NEK2: variants seen among roughly 807,000 people sequenced by gnomAD.
NEK2 encodes the protein serine/threonine-protein kinase Nek2.
Under a neutral mutation model 54.1 loss-of-function variants are expected in NEK2, and 28 were observed. That is an observed-to-expected ratio of 0.52 (90% confidence interval 0.38 to 0.71). The LOEUF (loss-of-function observed/expected upper bound fraction) is 0.71. Among genes scored for constraint, NEK2 ranks in the 30% least tolerant of loss-of-function variants. NEK2 has a pLI of 0.00. For synonymous variants in NEK2, 176 were observed against 193.1 expected, an observed-to-expected ratio of 0.91 and a Z score of 0.73; for missense variants, 407 against 531.5, an observed-to-expected ratio of 0.77 and a Z score of 2.30.
chr1:211,669,679 T>C (rs1270116815), intron 5 of NEK2, among the ~76,000 whole-genome samples: 2 of 152,238 alleles, frequency 1.3e-5, no homozygotes, highest in African/African-American at 4.8e-5. Context: ...CTAAACTACA[T>C]TTAGCAAGAT....
Position 211,669,211 on chromosome 1 carries a change from G to T in NEK2, c.887C>A (p.Ser296Ter). The T allele has an allele frequency of 6.2e-7, 1 of 1,613,948 alleles. No homozygotes were observed. The highest frequency in any genetic ancestry group is 8.5e-7 in the Non-Finnish European group (1 of 1,179,908). Residue 296 changes from serine to a stop codon, truncating the protein, a stop_gained, in exon 6 of 8, where the codon TCG becomes TAG. Transcript: ENST00000366999. LOFTEE classifies it high-confidence loss of function. ...ACTCAATACAGGGCTGGAATCCTGCGATTTTTCTGGCTCTCCTAATTGTCG... is the reference window on the plus strand; with the variant it reads ...ACTCAATACAGGGCTGGAATCCTGCTATTTTTCTGGCTCTCCTAATTGTCG... ...RGRQLGEPEK[S>*]QDSSPVLSEL...
intron 6 of NEK2, 49 bp from the exon 7 acceptor site, chr1:211,667,280 A>G (rs200189429): frequency 1.0e-4 from 156 of 1,543,222 alleles, no homozygotes; most frequent in Admixed American, 1.7e-4. Context: ...ACTGACCTTG[A>G]CTAAAAAACA....
chr1:211,664,047 T>G (rs1378674910), intron 7 of NEK2, among the ~76,000 whole-genome samples: 1 of 146,066 alleles, frequency 6.8e-6, no homozygotes, highest in Non-Finnish European at 1.5e-5. Context: ...GAAGCAGAGG[T>G]TTTTTTCTGT....
At position 211,670,186 on chromosome 1, in the gene NEK2, T is replaced by G. The variant is rs554752054; in HGVS notation, c.765+95A>C. On this transcript the variant is annotated intron_variant, in intron 5 of 7. Coordinates refer to ENST00000366999, the MANE Select transcript of NEK2 (RefSeq NM_002497.4). ...TTTAGCTAAGAAAGTATATTTAACGTTTCTTCAGTCTCCATTGATCTACAA... is the reference window on the plus strand; with the variant it reads ...TTTAGCTAAGAAAGTATATTTAACGGTTCTTCAGTCTCCATTGATCTACAA... 4.8e-6 allele frequency: 6 copies of G among 1,247,926 alleles called. No homozygotes were observed. In the African/African-American group the frequency reaches 9.2e-5, roughly 19 times the overall value. The allele number at this position is 1,247,926 out of a possible 1,614,324, so 77.3% of individuals were successfully genotyped here. A position where few individuals can be genotyped will look rare whatever the true frequency, so the allele number is the denominator to read the frequency against.
chr1:211,661,403 G>A (rs2102437166), downstream of NEK2: 1 of 303,626 alleles, frequency 3.3e-6, no homozygotes, highest in Admixed American at 4.4e-5. Context: ...AACTTTATTG[G>A]TAACACTTTG....
chr1:211,660,404 T>A (rs1273929270), downstream of NEK2: 1 of 687,300 alleles, frequency 1.5e-6, no homozygotes, highest in African/African-American at 1.8e-5. Flanking sequence ...TCCTTCAGGA[T>A]CTGGTACTGT....
downstream of NEK2, among the ~76,000 whole-genome samples, chr1:211,659,675 G>A (rs1654967414): frequency 6.6e-6 from 1 of 152,122 alleles, no homozygotes; most frequent in Admixed American, 6.5e-5. Flanking sequence ...TAACTTTGCT[G>A]ACGTCTTCAG....
chr1:211,670,087 C>A (rs374552779), intron 5 of NEK2, among the ~76,000 whole-genome samples, 194 bp downstream of exon 5: 10 of 152,168 alleles, frequency 6.6e-5, no homozygotes, highest in Non-Finnish European at 1.3e-4. Context: ...ATAAAGAAAG[C>A]GCAGAAGGTG....
chr1:211,673,417 A>G, intron 3 of NEK2, 66 bp downstream of exon 3: 3 of 1,591,444 alleles, frequency 1.9e-6, no homozygotes, highest in Non-Finnish European at 2.6e-6. Context: ...CTGTCTCAAA[A>G]ACAAACAAAC....
At chr1:211,664,725 T>C (rs1187423420) in intron 7 of NEK2, among the ~76,000 whole-genome samples, 1 of 152,286 alleles carries the variant, frequency 6.6e-6, no homozygotes, top group African/African-American at 2.4e-5. Context: ...GGATTGCTTT[T>C]AGACCTTATC....
At chr1:211,671,532 A>G (rs1370852231) in intron 3 of NEK2, among the ~76,000 whole-genome samples, 1 of 152,242 alleles carries the variant, frequency 6.6e-6, no homozygotes, top group Admixed American at 6.5e-5. Context: ...GGCACTGACA[A>G]TACAGAGGTG....
At chr1:211,672,168 A>G (rs1655411789) in intron 3 of NEK2, among the ~76,000 whole-genome samples, 1 of 152,234 alleles carries the variant, frequency 6.6e-6, no homozygotes, top group Non-Finnish European at 1.5e-5. Flanking sequence ...CTAAAATACT[A>G]ACAAATATTT....
chr1:211,662,920 A>C lies in NEK2; in HGVS notation c.*506T>G. The C allele has an allele frequency of 1.0e-6, 1 of 987,238 alleles. No individual in the cohort carries two copies. The highest frequency in any genetic ancestry group is 1.2e-6 in the Non-Finnish European group (1 of 830,848). The allele number at this position is 987,238 out of a possible 1,614,324, so 61.2% of individuals were successfully genotyped here. On this transcript the variant is annotated 3_prime_UTR_variant, in exon 8 of 8. Transcript: ENST00000366999. This position sits in a 1 kb window ranked among gnomAD's most constrained non-coding sequence, Gnocchi z 4.2. ...AGCTAACAGATTTGAACTACAGAGC[A>C]ATGGAATATTTATAAGCAAGATGTC...
chr1:211,667,222 T>C lies in NEK2; in HGVS notation c.995A>G (p.Gln332Arg). Reference sequence around the variant, plus strand: ...TAGTCTCTCACGAACACAAAGCTCCTGTTCTTTCTCTTTAAAAAGAGAATG... The same window carrying C: ...TAGTCTCTCACGAACACAAAGCTCCCGTTCTTTCTCTTTAAAAAGAGAATG... ...AREERLEQKEQELCVRERLAE... is the reference protein window; with the variant it reads ...AREERLEQKERELCVRERLAE... Residue 332 changes from glutamine (Q) to arginine (R), a missense_variant, in exon 7 of 8, where the codon CAG (glutamine) becomes CGG (arginine). By Grantham distance (43) the Gln-to-Arg change is conservative. Coordinates refer to ENST00000366999, the MANE Select transcript of NEK2 (RefSeq NM_002497.4). The C allele has an allele frequency of 3.8e-6, 6 of 1,590,188 alleles. No individual in the cohort carries two copies. The highest frequency in any genetic ancestry group is 5.1e-6 in the Non-Finnish European group (6 of 1,169,506).
chr1:211,668,552 T>C (rs1409934911), intron 6 of NEK2, among the ~76,000 whole-genome samples: 1 of 151,930 alleles, frequency 6.6e-6, no homozygotes, highest in Non-Finnish European at 1.5e-5. Flanking sequence ...GGAGGTAAGA[T>C]GGGAGGATCA....
At chr1:211,661,259 G>A (rs1253307703), downstream of NEK2, 6 of 660,598 alleles carry the variant, frequency 9.1e-6, no homozygotes, top group African/African-American at 1.8e-5. Flanking sequence ...TCATTCTGAG[G>A]GAGGAGCAAA....
chr1:211,667,134 C>G lies in NEK2; in HGVS notation c.1083G>C (p.Arg361=), dbSNP rs1655204991. The G allele has an allele frequency of 1.2e-6, 2 of 1,613,680 alleles. No homozygotes were observed. The highest frequency in any genetic ancestry group is 1.1e-5 in the South Asian group (1 of 91,036). ...GATTACTTGCCAGAGACAGGAACTT[C>G]CGTTCCTTTAGCAAGCTGTAGTTCT... ...LLKNYSLLKE[R]KFLSLASNPE... Residue 361 remains arginine, a synonymous_variant, in exon 7 of 8, where the codon CGG becomes CGC. Coordinates refer to ENST00000366999, the MANE Select transcript of NEK2 (RefSeq NM_002497.4).
chr1:211,659,856 CT>C (rs1167332963), downstream of NEK2, among the ~76,000 whole-genome samples: 2 of 134,558 alleles, frequency 1.5e-5, no homozygotes, highest in African/African-American at 5.5e-5. Context: ...GGGTCTCTCT[CT>C]GTCTCCCAGG....
At position 211,670,343 on chromosome 1, in the gene NEK2, G is replaced by A. The variant is rs1655333460; in HGVS notation, c.703C>T (p.Arg235Ter). 3 of 1,612,276 alleles carry A rather than the reference G, an allele frequency of 1.9e-6. No homozygotes were observed. Among genetic ancestry groups the A allele is most frequent in the African/African-American group, 1.3e-5 (1 of 74,948 alleles). Residue 235 changes from arginine to a stop codon, truncating the protein, a stop_gained, in exon 5 of 8, where the codon CGA becomes TGA. Transcript: ENST00000366999. LOFTEE classifies it high-confidence loss of function. ...AGKIREGKFR[R>*]IPYRYSDELN... ...TCATCAGAGTAACGGTATGGAATTC[G>A]CCTGAATTTGCCTTCTCTGATTTTC... is the stretch of plus-strand genomic sequence containing the variant.
Sources: allele counts gnomAD v4.1 joint callset (sites outside exome capture counted in the v4.1 genomes callset), GRCh38; gene constraint gnomAD v4.1.1; non-coding constraint Gnocchi (gnomAD v3.1); transcripts MANE v1.5; gene names NCBI Gene and HGNC (gene_info 2026-07-23, HGNC 2026-07-21).